Variants in RIMBP2 observed in about 807,000 individuals in gnomAD.
The protein encoded by RIMBP2 is RIMS binding protein 2.
In RIMBP2, 48 loss-of-function variants were observed where a neutral mutation model predicts 118.6. The ratio of observed to expected loss-of-function variants is 0.40; its 90% CI spans 0.32 to 0.51. The LOEUF is 0.51. RIMBP2 is among the 20% of genes least tolerant of loss of function. The pLI is 0.41. For synonymous variants in RIMBP2, 762 were observed against 742.9 expected (o/e 1.03, Z -0.42); for missense variants, 1,551 against 1,768.3 (o/e 0.88, Z 2.20).
In RIMBP2 at chr12:130,621,019, G is replaced by A. The variant is rs1400559795; in HGVS notation, c.-217+7303C>T. Among the ~76,000 whole-genome samples the A allele has an allele frequency of 6.6e-6, 1 of 152,192 alleles. No individual in the cohort carries two copies. The highest frequency in any genetic ancestry group is 2.4e-5 in the African/African-American group (1 of 41,454). On this transcript the variant is annotated intron_variant, in intron 2 of 22. Coordinates refer to ENST00000690449, the MANE Select transcript of RIMBP2 (RefSeq NM_001393629.1). This position sits in a 1 kb window ranked among gnomAD's most constrained non-coding sequence, Gnocchi z 6.6. ...GGCGAGCAACCTGCCTTGAGATCTG[G>A]CTGAATGGGGAGGCCTGAAAATATG...
intron 4 of RIMBP2, among the ~76,000 whole-genome samples, chr12:130,490,749 C>T (rs2048562101): frequency 6.6e-6 from 1 of 152,184 alleles, no homozygotes; most frequent in Non-Finnish European, 1.5e-5. Flanking sequence ...AGGCTGAGAC[C>T]TGTGAGTTCA....
intron 1 of RIMBP2, among the ~76,000 whole-genome samples, chr12:130,636,917 C>T (rs1367519165): frequency 1.3e-5 from 2 of 152,186 alleles, no homozygotes; most frequent in Non-Finnish European, 2.9e-5. Context: ...TTAGTAAAAA[C>T]CAAACCCAAA....
At chr12:130,407,644 C>A (rs747549410) in intron 20 of RIMBP2, 82 bp downstream of exon 20, 3 of 1,058,936 alleles carry the variant, frequency 2.8e-6, no homozygotes, top group Non-Finnish European at 4.5e-6. Flanking sequence ...GAGGTGAACA[C>A]ACGTGGCCTC....
intron 19 of RIMBP2, among the ~76,000 whole-genome samples, chr12:130,412,339 T>C (rs1291203365): frequency 1.3e-5 from 2 of 152,190 alleles, no homozygotes; most frequent in African/African-American, 4.8e-5. Flanking sequence ...CTAGATGCGA[T>C]AAATTGTTTG....
intron 1 of RIMBP2, among the ~76,000 whole-genome samples, chr12:130,665,023 G>C (rs994585392): frequency 6.6e-6 from 1 of 151,540 alleles, no homozygotes; most frequent in Non-Finnish European, 1.5e-5. Flanking sequence ...GCTGGAGTCC[G>C]ACGAGGAACC....
In RIMBP2 at chr12:130,422,925, C is replaced by T. The variant is rs2076508462; in HGVS notation, c.3130-364G>A. ...GAGCACCTGAGTCCCTCTTAGTCTC[C>T]ACATGCCCCCCTCCCAGCTGTCACG... On this transcript the variant is annotated intron_variant, in intron 16 of 22. Transcript: ENST00000690449. The surrounding 1 kb of genome is among the most constrained non-coding windows in gnomAD (Gnocchi z 5.2). Among the ~76,000 whole-genome samples the T allele has an allele frequency of 6.6e-6, 1 of 152,184 alleles. No homozygotes were observed. The highest frequency in any genetic ancestry group is 2.4e-5 in the African/African-American group (1 of 41,438).
At position 130,525,775 on chromosome 12, in the gene RIMBP2, C is replaced by G. The variant is rs2052714992; in HGVS notation, c.-216-7858G>C. Among the ~76,000 whole-genome samples the G allele has an allele frequency of 6.6e-6, 1 of 152,162 alleles. No homozygotes were observed. Among genetic ancestry groups the G allele is most frequent in the Non-Finnish European group, 1.5e-5 (1 of 68,032 alleles). On this transcript the variant is annotated intron_variant, in intron 2 of 22. Transcript: ENST00000690449. This position sits in a 1 kb window ranked among gnomAD's most constrained non-coding sequence, Gnocchi z 4.4. The stretch of plus-strand genomic sequence containing the variant: ...CTGGGCTTCTACGCTGGGCCAAGAA[C>G]CAACATAAGCTCTTTGCTTTCCTCC...
rs559676559 is a variant in RIMBP2, at chr12:130,550,633, A to C, written c.-216-32716T>G. ...GAGTCTAAACGTACTGCAAAATGAAAAAAGGTTAAAAATTAAACTATAAAA... is the reference window on the plus strand; with the variant it reads ...GAGTCTAAACGTACTGCAAAATGAACAAAGGTTAAAAATTAAACTATAAAA... On this transcript the variant is annotated intron_variant, in intron 2 of 22. Coordinates refer to ENST00000690449, the MANE Select transcript of RIMBP2 (RefSeq NM_001393629.1). Among the ~76,000 whole-genome samples, 13 of 152,362 alleles carry C rather than the reference A, an allele frequency of 8.5e-5. No homozygotes were observed. The East Asian group carries it at 2.3e-3, about 27-fold the overall frequency.
At chr12:130,640,990 A>G (rs1358175443) in intron 1 of RIMBP2, among the ~76,000 whole-genome samples, 2 of 152,262 alleles carry the variant, frequency 1.3e-5, no homozygotes, top group African/African-American at 4.8e-5. Flanking sequence ...ACATGGCCCT[A>G]TTAAAGCTAA....
At chr12:130,698,973 T>A (rs1357014089) in intron 1 of RIMBP2, among the ~76,000 whole-genome samples, 1 of 151,844 alleles carries the variant, frequency 6.6e-6, no homozygotes, top group Non-Finnish European at 1.5e-5. Flanking sequence ...AAAAAACACA[T>A]GAAAAAATGC....
Position 130,617,515 on chromosome 12 carries a change from C to A in RIMBP2, c.-217+10807G>T, listed in dbSNP as rs2061018154. ...TACAGCTCCAGGCAGAAACGACAAG[C>A]AGGTTTCAGCTGACACCAGCTTTAG... On this transcript the variant is annotated intron_variant, in intron 2 of 22. Coordinates refer to ENST00000690449, the MANE Select transcript of RIMBP2 (RefSeq NM_001393629.1). The surrounding 1 kb of genome is among the most constrained non-coding windows in gnomAD (Gnocchi z 4.6). Among the ~76,000 whole-genome samples the A allele has an allele frequency of 1.3e-5, 2 of 152,236 alleles. No individual in the cohort carries two copies. The highest frequency in any genetic ancestry group is 6.5e-5 in the Admixed American group (1 of 15,282).
intron 5 of RIMBP2, among the ~76,000 whole-genome samples, chr12:130,473,938 A>G (rs1239969439): frequency 6.6e-6 from 1 of 151,468 alleles, no homozygotes; most frequent in Non-Finnish European, 1.5e-5. Context: ...GAAAGCGGTC[A>G]TTCTACCAGT....
chr12:130,413,028 C>A (rs2075839724), intron 18 of RIMBP2, among the ~76,000 whole-genome samples: 1 of 152,208 alleles, frequency 6.6e-6, no homozygotes, highest in East Asian at 1.9e-4. Flanking sequence ...TGCCATTCTT[C>A]TCATCAGGCA....
intron 1 of RIMBP2, among the ~76,000 whole-genome samples, chr12:130,708,962 C>T (rs1437432137): frequency 6.6e-6 from 1 of 152,198 alleles, no homozygotes; most frequent in Non-Finnish European, 1.5e-5. Context: ...TCAGAGAGCC[C>T]CTCCATCTCT....
chr12:130,647,056 T>C (rs973263938), intron 1 of RIMBP2, among the ~76,000 whole-genome samples: 28 of 152,088 alleles, frequency 1.8e-4, no homozygotes, highest in African/African-American at 6.8e-4. Context: ...CCCCTCAGCA[T>C]GGAAATAAAG....
chr12:130,700,186 T>C (rs763603569), intron 1 of RIMBP2, among the ~76,000 whole-genome samples: 3 of 152,054 alleles, frequency 2.0e-5, no homozygotes, highest in Non-Finnish European at 4.4e-5. Flanking sequence ...TTAGTTTATT[T>C]TCTCTCAATC....
intron 21 of RIMBP2, among the ~76,000 whole-genome samples, chr12:130,401,310 T>A (rs1332302043): frequency 6.6e-6 from 1 of 152,062 alleles, no homozygotes; most frequent in Non-Finnish European, 1.5e-5. Context: ...GAGACAGGGT[T>A]TCGCCGTGTT....
rs111288608 is a variant in RIMBP2 at position 130,483,109 on chromosome 12, C to T, written c.-3-4093G>A. ...GGAGGGGGCACACCTCATCCAAATA[C>T]ACCCATTGTGTGTGTACATGTGTCA... On this transcript the variant is annotated intron_variant, in intron 4 of 22. Coordinates refer to ENST00000690449, the MANE Select transcript of RIMBP2 (RefSeq NM_001393629.1). Among the ~76,000 whole-genome samples the T allele has an allele frequency of 1.5e-3, 90 of 60,432 alleles. 2 individuals carry two copies. The highest frequency in any genetic ancestry group is 5.1e-3 in the African/African-American group (86 of 16,760). 39.6% of individuals were successfully genotyped at this position (60,432 alleles called of 152,430 possible). A position where few individuals can be genotyped will look rare whatever the true frequency, so the allele number is the denominator to read the frequency against.
chr12:130,634,727 G>A (rs1000226618), intron 1 of RIMBP2, among the ~76,000 whole-genome samples: 4 of 152,002 alleles, frequency 2.6e-5, no homozygotes, highest in South Asian at 4.2e-4. Context: ...AAGTAGCTGA[G>A]GCTACCAGTG....
Sources: allele counts gnomAD v4.1 joint callset (sites outside exome capture counted in the v4.1 genomes callset), GRCh38; gene constraint gnomAD v4.1.1; non-coding constraint Gnocchi (gnomAD v3.1); transcripts MANE v1.5; gene names NCBI Gene and HGNC (gene_info 2026-07-23, HGNC 2026-07-21).